DMD: variants seen among roughly 807,000 people sequenced by gnomAD.
The protein encoded by DMD is dystrophin, also known as mutant dystrophin.
DMD carries 63 observed loss-of-function variants against 330.1 expected under a neutral mutation model. The observed-to-expected ratio is 0.19, with a 90% CI of 0.16 to 0.24. The LOEUF is 0.24. Ranked by LOEUF, DMD falls within the 10% of genes least tolerant of loss-of-function variation. The pLI, the probability that DMD is intolerant of heterozygous loss-of-function variation, is 1.00. For synonymous variants in DMD, 1,223 were observed against 959.8 expected (o/e 1.27, Z -5.07); for missense variants, 3,344 against 2,684.1 (o/e 1.25, Z -5.43).
At chrX:33,019,998 T>C in intron 2 of DMD, 141 bp downstream of exon 2, 1 of 448,610 alleles carries the variant, frequency 2.2e-6, no homozygotes, top group Non-Finnish European at 3.9e-6. Flanking sequence ...AGAGTGAACA[T>C]AATATTTCCA....
At chrX:32,844,274 C>CA (rs933564600) in intron 4 of DMD, among the ~76,000 whole-genome samples, 1 of 109,340 alleles carries the variant, frequency 9.1e-6, no homozygotes, top group Non-Finnish European at 1.9e-5. Context: ...GCCATAGTGG[C>CA]ATGTGCCTGT....
chrX:33,089,650 C>G (rs746717025), intron 1 of DMD, among the ~76,000 whole-genome samples: 1 of 111,564 alleles, frequency 9.0e-6, no homozygotes, highest in Non-Finnish European at 1.9e-5. Flanking sequence ...GTAAAAGAAC[C>G]TAAAGTACAC....
At chrX:32,252,783 AAT>A (rs1215710708) in intron 43 of DMD, among the ~76,000 whole-genome samples, 1 of 43,173 alleles carries the variant, frequency 2.3e-5, no homozygotes. Context: ...AATATATATA[AAT>A]ATATATAAAT....
chrX:32,321,270 A>G (rs1219128415), intron 41 of DMD, among the ~76,000 whole-genome samples: 2 of 111,286 alleles, frequency 1.8e-5, no homozygotes, highest in Non-Finnish European at 3.8e-5. Context: ...AATCACAACT[A>G]ACTGCTACAA....
At chrX:32,953,340 T>C (rs1293620550) in intron 2 of DMD, among the ~76,000 whole-genome samples, 1 of 111,228 alleles carries the variant, frequency 9.0e-6, no homozygotes, top group Non-Finnish European at 1.9e-5. Flanking sequence ...TTTGTATTTT[T>C]CATTCATTCA....
intron 1 of DMD, among the ~76,000 whole-genome samples, chrX:33,168,810 G>T (rs1351064830): frequency 1.8e-5 from 2 of 110,106 alleles, no homozygotes; most frequent in Non-Finnish European, 3.8e-5. Flanking sequence ...CAAAGAGAAG[G>T]CGTAAAGGAT....
intron 59 of DMD, among the ~76,000 whole-genome samples, chrX:31,465,984 C>A: frequency 8.9e-6 from 1 of 112,242 alleles, no homozygotes; most frequent in East Asian, 2.8e-4. Flanking sequence ...AAATGTCTTA[C>A]TTTGAGAAGT....
chrX:32,713,524 C>G (rs955847830), intron 7 of DMD, among the ~76,000 whole-genome samples: 1 of 111,651 alleles, frequency 9.0e-6, no homozygotes, highest in Non-Finnish European at 1.9e-5. Context: ...AACTCCGTTC[C>G]CCCTTTCCTT....
chrX:32,804,199 C>T (rs2076792121), intron 7 of DMD, among the ~76,000 whole-genome samples: 2 of 111,718 alleles, frequency 1.8e-5, no homozygotes, highest in South Asian at 3.8e-4. Flanking sequence ...CCAACGCCCA[C>T]GGAGCCCAGC....
chrX:32,681,251 T>G (rs7050889), intron 9 of DMD, among the ~76,000 whole-genome samples: 1 of 111,232 alleles, frequency 9.0e-6, no homozygotes, highest in Non-Finnish European at 1.9e-5. Flanking sequence ...GAAATCTTCC[T>G]GAGTACGAGT....
intron 44 of DMD, among the ~76,000 whole-genome samples, chrX:32,183,776 G>C (rs58840660): frequency 0.063 from 6,824 of 108,962 alleles, 236 homozygotes; most frequent in South Asian, 0.26. Flanking sequence ...AACTACAAAT[G>C]TTTAAATATC....
chrX:32,799,888 G>A (rs1477752534), intron 7 of DMD, among the ~76,000 whole-genome samples: 1 of 111,035 alleles, frequency 9.0e-6, no homozygotes, highest in Non-Finnish European at 1.9e-5. Context: ...AATGCCTACT[G>A]CTACTCATTT....
intron 29 of DMD, among the ~76,000 whole-genome samples, chrX:32,423,227 CTT>C (rs61191281): frequency 8.7e-5 from 8 of 92,384 alleles, no homozygotes; most frequent in African/African-American, 2.3e-4. Context: ...CTTTATTATT[CTT>C]TTTTTTTTTT....
At chrX:32,812,076 C>T (rs1355893552) in intron 6 of DMD, among the ~76,000 whole-genome samples, 2 of 111,031 alleles carry the variant, frequency 1.8e-5, no homozygotes, top group Non-Finnish European at 3.8e-5. Context: ...CCCAACAGCA[C>T]TGGAAGTCAT....
At chrX:33,139,357 T>C (rs2047673991) in intron 1 of DMD, among the ~76,000 whole-genome samples, 2 of 111,236 alleles carry the variant, frequency 1.8e-5, no homozygotes, top group Admixed American at 9.6e-5. Flanking sequence ...TTTGTTTGTT[T>C]GTTTTTGAGA....
At chrX:31,580,799 ATT>A (rs1329541130) in intron 55 of DMD, among the ~76,000 whole-genome samples, 1 of 111,287 alleles carries the variant, frequency 9.0e-6, no homozygotes, top group Admixed American at 9.5e-5. Flanking sequence ...AGCTTAAATA[ATT>A]TCTCTTTCTC....
At chrX:33,187,463 A>T (rs998495581) in intron 1 of DMD, among the ~76,000 whole-genome samples, 1 of 112,930 alleles carries the variant, frequency 8.9e-6, no homozygotes, top group Admixed American at 9.4e-5. Context: ...ACTCAACTGT[A>T]TCCAAAGCAG....
intron 1 of DMD, chrX:33,128,450 C>T: frequency 6.3e-6 from 6 of 947,702 alleles, no homozygotes; most frequent in Non-Finnish European, 7.9e-6. Flanking sequence ...TCCCCTCTCA[C>T]AGCAATGGTT....
chrX:33,154,280 C>T (rs1008295884), intron 1 of DMD, among the ~76,000 whole-genome samples: 2 of 110,663 alleles, frequency 1.8e-5, no homozygotes. Flanking sequence ...GCCTGTAATC[C>T]CAGCTACTTA....
Sources: allele counts gnomAD v4.1 joint callset (sites outside exome capture counted in the v4.1 genomes callset), GRCh38; gene constraint gnomAD v4.1.1; transcripts MANE v1.5; gene names NCBI Gene and HGNC (gene_info 2026-07-23, HGNC 2026-07-21).